ARHGAP6: variants seen among roughly 807,000 people sequenced by gnomAD.
ARHGAP6 encodes rho GTPase-activating protein 6.
ARHGAP6 carries 16 observed loss-of-function variants against 55.7 expected under a neutral mutation model. The ratio of observed to expected loss-of-function variants is 0.29; its 90% CI spans 0.19 to 0.44. ARHGAP6 has a LOEUF of 0.44. ARHGAP6 is among the 20% of genes least tolerant of loss of function. The pLI, the probability that ARHGAP6 is intolerant of heterozygous loss-of-function variation, is 1.00. For synonymous variants in ARHGAP6, 382 were observed against 360.9 expected, an observed-to-expected ratio of 1.06 and a Z score of -0.66; for missense variants, 698 against 808.9, an observed-to-expected ratio of 0.86 and a Z score of 1.66.
chrX:11,487,626 G>A (rs1450271260), intron 1 of ARHGAP6, among the ~76,000 whole-genome samples: 5 of 112,129 alleles, frequency 4.5e-5, no homozygotes, highest in Non-Finnish European at 7.5e-5. Flanking sequence ...ATTATTAATT[G>A]TTTATCTGAG....
chrX:11,655,630 A>G (rs1330011756), intron 1 of ARHGAP6, among the ~76,000 whole-genome samples: 3 of 112,278 alleles, frequency 2.7e-5, no homozygotes, highest in Non-Finnish European at 5.6e-5. Context: ...CCTAATAGCT[A>G]ATGAAAACAT....
intron 1 of ARHGAP6, among the ~76,000 whole-genome samples, chrX:11,593,179 GTGTTTATT>G (rs1191220226): frequency 1.8e-5 from 2 of 111,980 alleles, no homozygotes; most frequent in African/African-American, 6.5e-5. Context: ...TAAAACTTCA[GTGTTTATT>G]TGTCCCCTAA....
chrX:11,352,016 G>A (rs2048869173), intron 1 of ARHGAP6, among the ~76,000 whole-genome samples: 1 of 112,232 alleles, frequency 8.9e-6, no homozygotes, highest in South Asian at 3.8e-4. Context: ...TCTGTTCCAT[G>A]GCAAGTAATG....
rs761283087 is a variant in ARHGAP6 at position 11,288,120 on chromosome X, T to C, written c.589-33413A>G. 1.3e-3 allele frequency among the ~76,000 whole-genome samples: 149 copies of C among 112,889 alleles called. 1 individual carries two copies. The highest frequency in any genetic ancestry group is 2.3e-3 in the Non-Finnish European group (125 of 53,346). On this transcript the variant is annotated intron_variant, in intron 1 of 12. Transcript: ENST00000337414. ...AGCTGCTCTACTTTTTCCTTTTCCA[T>C]AGGCTTTCTCTTCTGCTGTCCTTAT...
intron 1 of ARHGAP6, among the ~76,000 whole-genome samples, chrX:11,562,097 G>C (rs1330292652): frequency 8.9e-6 from 1 of 111,849 alleles, no homozygotes; most frequent in African/African-American, 3.3e-5. Flanking sequence ...TCATAGGAAG[G>C]GCAAGAAAGC....
intron 1 of ARHGAP6, among the ~76,000 whole-genome samples, chrX:11,267,904 A>G (rs905182707): frequency 1.8e-5 from 2 of 112,448 alleles, no homozygotes; most frequent in Non-Finnish European, 3.8e-5. Context: ...AGTAAAACCA[A>G]TAAGAGACCA....
intron 1 of ARHGAP6, among the ~76,000 whole-genome samples, chrX:11,547,043 G>A (rs2051218531): frequency 8.9e-6 from 1 of 112,334 alleles, no homozygotes; most frequent in Non-Finnish European, 1.9e-5. Context: ...AATCATTTGG[G>A]CAGCAGAATC....
intron 1 of ARHGAP6, chrX:11,265,965 C>G (rs1434353973): frequency 1.1e-6 from 1 of 936,750 alleles, no homozygotes; most frequent in African/African-American, 2.1e-5. Context: ...CCTTTCAGAA[C>G]AGAGGCAGGC....
intron 2 of ARHGAP6, among the ~76,000 whole-genome samples, chrX:11,208,760 T>A (rs1214571467): frequency 8.9e-6 from 1 of 111,872 alleles, no homozygotes; most frequent in East Asian, 2.8e-4. Context: ...ATGCAGACAG[T>A]CTGCCATGAC....
intron 1 of ARHGAP6, among the ~76,000 whole-genome samples, chrX:11,649,405 C>A (rs1210847420): frequency 3.6e-5 from 4 of 112,111 alleles, no homozygotes; most frequent in Non-Finnish European, 7.5e-5. Flanking sequence ...GTTTGTTATG[C>A]AGCAATAGAG....
rs201584597 is a variant in ARHGAP6 at position 11,590,914 on chromosome X, GA to G, written c.588+73326del. On this transcript the variant is annotated intron_variant, in intron 1 of 12. Transcript: ENST00000337414. The stretch of plus-strand genomic sequence containing the variant: ...AGAAAGAAAGAAAGAAAGAAAGAAA[GA>G]AAAGAAAAGAAAAGATAAGTTAAGT... 9.8e-4 allele frequency among the ~76,000 whole-genome samples: 88 copies of G among 89,377 alleles called. 6 individuals are homozygous for G. The highest frequency in any genetic ancestry group is 2.7e-3 in the African/African-American group (64 of 23,839). 77.6% of individuals were successfully genotyped at this position (89,377 alleles called of 115,157 possible). A position where few individuals can be genotyped will look rare whatever the true frequency, so the allele number is the denominator to read the frequency against.
rs193022621 is a variant in ARHGAP6, at chrX:11,559,473, T to C, written c.588+104768A>G. On this transcript the variant is annotated intron_variant, in intron 1 of 12. Transcript: ENST00000337414. ...CCATAACAGTTCCTTCATATCTCTG[T>C]TACCCTTATAATCACTGATTTATTT... 1.9e-3 allele frequency among the ~76,000 whole-genome samples: 217 copies of C among 111,775 alleles called. 1 individual carries two copies. Among genetic ancestry groups the C allele is most frequent in the Non-Finnish European group, 3.3e-3 (178 of 53,163 alleles).
intron 1 of ARHGAP6, among the ~76,000 whole-genome samples, chrX:11,467,073 G>A (rs1000282565): frequency 8.9e-6 from 1 of 111,734 alleles, no homozygotes; most frequent in Non-Finnish European, 1.9e-5. Context: ...TGACCTCACA[G>A]GATTCAGTGG....
At chrX:11,543,191 C>T (rs188105928) in intron 1 of ARHGAP6, among the ~76,000 whole-genome samples, 1 of 112,437 alleles carries the variant, frequency 8.9e-6, no homozygotes, top group Non-Finnish European at 1.9e-5. Context: ...TGCTTGGGGT[C>T]CCCTTAGAGC....
chrX:11,157,340 T>C (rs2045877202), intron 9 of ARHGAP6, among the ~76,000 whole-genome samples: 1 of 112,669 alleles, frequency 8.9e-6, no homozygotes, highest in Non-Finnish European at 1.9e-5. Context: ...TATGTCACTT[T>C]ATTATTCGGT....
chrX:11,155,351 G>T (rs2045848993), intron 10 of ARHGAP6, among the ~76,000 whole-genome samples: 1 of 111,198 alleles, frequency 9.0e-6, no homozygotes, highest in Non-Finnish European at 1.9e-5. Context: ...CCAGGCTGGA[G>T]TGCAGTGGTG....
chrX:11,174,510 T>A (rs1442854604), intron 8 of ARHGAP6, among the ~76,000 whole-genome samples: 3 of 91,800 alleles, frequency 3.3e-5, no homozygotes, highest in African/African-American at 1.3e-4. Flanking sequence ...AAGGCCATTC[T>A]TTCTTTCTTT....
At chrX:11,195,123 G>A (rs926133198) in intron 3 of ARHGAP6, among the ~76,000 whole-genome samples, 26 of 111,800 alleles carry the variant, frequency 2.3e-4, no homozygotes, top group South Asian at 7.5e-4. Context: ...GGAGGCTGAG[G>A]CGGGAGGAGC....
At chrX:11,566,215 T>C (rs760981910) in intron 1 of ARHGAP6, among the ~76,000 whole-genome samples, 96 of 112,237 alleles carry the variant, frequency 8.6e-4, no homozygotes, top group Non-Finnish European at 1.1e-3. Context: ...GGAGGTTTCC[T>C]GGAAGGTGAG....
Sources: allele counts gnomAD v4.1 joint callset (sites outside exome capture counted in the v4.1 genomes callset), GRCh38; gene constraint gnomAD v4.1.1; transcripts MANE v1.5; gene names NCBI Gene and HGNC (gene_info 2026-07-23, HGNC 2026-07-21).